PUDP: variants seen among roughly 807,000 people sequenced by gnomAD.
PUDP encodes the protein pseudouridine-5'-phosphatase.
PUDP carries 8 observed loss-of-function variants against 9.4 expected under a neutral mutation model. That is an observed-to-expected ratio of 0.85 (90% CI 0.50 to 1.53). The LOEUF (loss-of-function observed/expected upper bound fraction) is 1.53. Ranked by LOEUF, PUDP falls within the 40% of genes most tolerant of loss-of-function variation. PUDP has a pLI of 0.00. For synonymous variants in PUDP, 99 were observed against 80.7 expected (o/e 1.23, Z -1.22); for missense variants, 188 against 189.7 (o/e 0.99, Z 0.05).
chrX:6,768,069 T>C (rs181913265), intron 3 of PUDP, among the ~76,000 whole-genome samples: 9 of 111,996 alleles, frequency 8.0e-5, no homozygotes, highest in Admixed American at 1.9e-4. Context: ...AAAGTTCAAT[T>C]GAAATTGCCA....
At chrX:6,750,438 G>A (rs1371604204) in intron 3 of PUDP, among the ~76,000 whole-genome samples, 1 of 110,557 alleles carries the variant, frequency 9.0e-6, no homozygotes, top group African/African-American at 3.3e-5. Context: ...ACTCCCAAAC[G>A]AAGAGAGTAA....
At chrX:6,983,383 G>T (rs888075167) in intron 1 of PUDP, among the ~76,000 whole-genome samples, 8 of 111,262 alleles carry the variant, frequency 7.2e-5, no homozygotes, top group African/African-American at 2.6e-4. Context: ...GGGGACCACA[G>T]AACTGGTTGG....
intron 3 of PUDP, among the ~76,000 whole-genome samples, chrX:6,939,641 A>T (rs1250416837): frequency 1.8e-5 from 2 of 110,082 alleles, no homozygotes; most frequent in African/African-American, 6.6e-5. Flanking sequence ...AAGCTGGAGG[A>T]TCACTTGAGC....
At chrX:6,955,510 C>A (rs1440236286) in intron 3 of PUDP, among the ~76,000 whole-genome samples, 1 of 111,670 alleles carries the variant, frequency 9.0e-6, no homozygotes, top group East Asian at 2.8e-4. Context: ...AAGACATTGA[C>A]CGTGATGTTT....
At chrX:7,107,542 A>G (rs1251070042) in intron 1 of PUDP, among the ~76,000 whole-genome samples, 2 of 112,831 alleles carry the variant, frequency 1.8e-5, no homozygotes, top group African/African-American at 6.4e-5. Flanking sequence ...AAGGAGAGTT[A>G]TGGGGCGGGC....
At chrX:7,077,869 T>C (rs1338653196) in intron 2 of PUDP, among the ~76,000 whole-genome samples, 1 of 111,920 alleles carries the variant, frequency 8.9e-6, no homozygotes, top group Non-Finnish European at 1.9e-5. Context: ...GAGCAGTAAA[T>C]ACACAAGGAC....
rs372572177 is a variant in PUDP at position 7,074,794 on chromosome X, T to C, written c.510+2426A>G. Among the ~76,000 whole-genome samples the C allele has an allele frequency of 8.0e-5, 9 of 112,301 alleles. No individual in the cohort carries two copies. In the East Asian group the frequency reaches 2.2e-3, roughly 28 times the overall value. On this transcript the variant is annotated intron_variant, in intron 3 of 3. Transcript: ENST00000381077. ...TAACAGGGTGCCAAGCATGCAGACA[T>C]ACACATGTCCAGACATAAGAAGCAG...
chrX:6,761,369 C>G (rs1337592610), intron 3 of PUDP, among the ~76,000 whole-genome samples: 3 of 112,117 alleles, frequency 2.7e-5, no homozygotes, highest in African/African-American at 9.7e-5. Context: ...AGGACCCTGG[C>G]ATTCTTCCTC....
At chrX:6,761,934 C>G (rs1313004677) in intron 3 of PUDP, among the ~76,000 whole-genome samples, 1 of 112,135 alleles carries the variant, frequency 8.9e-6, no homozygotes, top group Non-Finnish European at 1.9e-5. Flanking sequence ...TGCCTGTAAT[C>G]CCAGCACAGG....
At chrX:6,900,411 G>A (rs1927661776) in intron 3 of PUDP, among the ~76,000 whole-genome samples, 2 of 105,924 alleles carry the variant, frequency 1.9e-5, no homozygotes, top group South Asian at 4.5e-4. Context: ...GATGCTCCCC[G>A]CCTCCAACTA....
intron 3 of PUDP, among the ~76,000 whole-genome samples, chrX:6,847,539 C>A (rs1204164443): frequency 8.9e-6 from 1 of 112,187 alleles, no homozygotes; most frequent in East Asian, 2.8e-4. Context: ...AAGATCCCAA[C>A]CTTCATATAT....
intron 2 of PUDP, among the ~76,000 whole-genome samples, chrX:7,082,790 G>C (rs939449323): frequency 8.9e-6 from 1 of 112,689 alleles, no homozygotes; most frequent in African/African-American, 3.2e-5. Context: ...GCTTTGGCAT[G>C]CTGTCTTTCT....
At chrX:7,137,439 C>T (rs1439317981) in intron 1 of PUDP, among the ~76,000 whole-genome samples, 1 of 103,186 alleles carries the variant, frequency 9.7e-6, no homozygotes, top group Non-Finnish European at 2.0e-5. Flanking sequence ...CCCAGCTTCT[C>T]GGGAGGCTGA....
At chrX:7,137,449 A>G (rs1366377596) in intron 1 of PUDP, among the ~76,000 whole-genome samples, 1 of 102,667 alleles carries the variant, frequency 9.7e-6, no homozygotes, top group East Asian at 3.2e-4. Context: ...CGGGAGGCTG[A>G]GGCAGGAGAA....
At chrX:7,072,358 CTCTA>C (rs1329303986) in intron 3 of PUDP, among the ~76,000 whole-genome samples, 4 of 112,177 alleles carry the variant, frequency 3.6e-5, no homozygotes, top group Admixed American at 1.9e-4. Flanking sequence ...AATGAGTCTA[CTCTA>C]TCTGTTTATG....
At chrX:7,005,029 C>T (rs1054728438) in intron 1 of PUDP, among the ~76,000 whole-genome samples, 2 of 111,781 alleles carry the variant, frequency 1.8e-5, no homozygotes, top group African/African-American at 3.3e-5. Context: ...ATAAGTCAGT[C>T]GGCAGATGAA....
intron 1 of PUDP, among the ~76,000 whole-genome samples, chrX:7,120,546 T>C (rs1932315022): frequency 8.9e-6 from 1 of 112,444 alleles, no homozygotes; most frequent in African/African-American, 3.2e-5. Flanking sequence ...TTGTGACAAC[T>C]GGTTACAGCA....
At chrX:7,015,944 G>A (rs2146817078) in intron 1 of PUDP, among the ~76,000 whole-genome samples, 1 of 110,638 alleles carries the variant, frequency 9.0e-6, no homozygotes, top group East Asian at 2.8e-4. Flanking sequence ...CGATTTTTAG[G>A]TTTTATGGCT....
chrX:6,813,688 C>A (rs1926181577), intron 3 of PUDP, among the ~76,000 whole-genome samples: 1 of 111,601 alleles, frequency 9.0e-6, no homozygotes, highest in Non-Finnish European at 1.9e-5. Flanking sequence ...CCCTATTCAG[C>A]TATCACTCTC....
Sources: gnomAD v4.1 joint callset for allele counts (sites outside exome capture counted in the v4.1 genomes callset) on GRCh38, gnomAD v4.1.1 for gene constraint, MANE v1.5 for transcripts, NCBI Gene and HGNC (gene_info 2026-07-23, HGNC 2026-07-21) for gene names.